Variants in AGBL1 observed in about 807,000 individuals in gnomAD.
The protein encoded by AGBL1 is AGBL carboxypeptidase 1, also known as cytosolic carboxypeptidase 4.
Under a neutral mutation model 118.9 loss-of-function variants are expected in AGBL1, and 130 were observed. The ratio of observed to expected loss-of-function variants is 1.09; its 90% CI spans 0.95 to 1.26. The LOEUF (loss-of-function observed/expected upper bound fraction) is 1.26, where lower values mean the gene tolerates loss of function less well. Ranked by LOEUF, AGBL1 falls within the 50% of genes most tolerant of loss-of-function variation. AGBL1 has a pLI of 0.00. For missense variants in AGBL1, 1,584 were observed against 1,298.1 expected (o/e 1.22, Z -3.38); for synonymous variants, 555 against 478.9 (o/e 1.16, Z -2.08).
chr15:86,936,509 A>T (rs1307408240), intron 23 of AGBL1, among the ~76,000 whole-genome samples: 5 of 152,142 alleles, frequency 3.3e-5, no homozygotes, highest in Non-Finnish European at 5.9e-5. Flanking sequence ...TGTTATCAGG[A>T]CTATTAAAAT....
intron 21 of AGBL1, among the ~76,000 whole-genome samples, chr15:86,635,312 T>TCCCCCTCCCCCTCC (rs1567095074): frequency 2.8e-4 from 1 of 3,550 alleles, no homozygotes; most frequent in Non-Finnish European, 9.4e-4. Flanking sequence ...CTCCTCCTCC[T>TCCCCCTCCCCCTCC]CCTCCTCCTC....
In AGBL1 at chr15:86,264,825, T is replaced by C; in HGVS notation, c.1654T>C (p.Cys552Arg). ...PTTQPMLERK[C>R]GVQRIRIFED... ...CACCCAGCCTATGTTGGAACGAAAA[T>C]GTGGAGTCCAAAGGTGATGGCGCTA... The change falls in exon 11 of 23, where the codon TGT becomes CGT. Residue 552 changes from cysteine (C) to arginine (R), a missense_variant. Coordinates refer to ENST00000614907, the MANE Select transcript of AGBL1 (RefSeq NM_001386094.1). 1.2e-6 allele frequency: 2 copies of C among 1,606,694 alleles called. No individual in the cohort carries two copies. The highest frequency in any genetic ancestry group is 1.7e-6 in the Non-Finnish European group (2 of 1,177,244).
chr15:86,484,828 A>G (rs1446048538), intron 18 of AGBL1, among the ~76,000 whole-genome samples: 3 of 152,092 alleles, frequency 2.0e-5, no homozygotes, highest in African/African-American at 7.2e-5. Flanking sequence ...AACTTTTTCA[A>G]AACTTTACAT....
At chr15:87,025,233 A>G (rs2081713858) in intron 24 of AGBL1, among the ~76,000 whole-genome samples, 1 of 152,038 alleles carries the variant, frequency 6.6e-6, no homozygotes, top group South Asian at 2.1e-4. Context: ...AGAAAACCCT[A>G]AAGACTCCTC....
At chr15:86,436,177 C>A (rs930449170) in intron 18 of AGBL1, among the ~76,000 whole-genome samples, 18 of 147,458 alleles carry the variant, frequency 1.2e-4, no homozygotes, top group African/African-American at 4.5e-4. Flanking sequence ...TGTCTTACCG[C>A]TCTCTGTGGT....
chr15:86,649,087 GAA>G (rs1278879303), intron 21 of AGBL1, among the ~76,000 whole-genome samples: 1 of 152,136 alleles, frequency 6.6e-6, no homozygotes, highest in East Asian at 1.9e-4. Context: ...TTATGGTGTG[GAA>G]GAGAGGCAAG....
intron 23 of AGBL1, among the ~76,000 whole-genome samples, chr15:86,952,162 CAG>C (rs202231440): frequency 0.039 from 5,918 of 151,200 alleles, 159 homozygotes; most frequent in Middle Eastern, 0.072. Flanking sequence ...AAGCAGCAGA[CAG>C]AGTTTGCAGT....
chr15:86,177,148 C>A (rs1315689534), intron 5 of AGBL1, among the ~76,000 whole-genome samples: 2 of 152,110 alleles, frequency 1.3e-5, no homozygotes, highest in African/African-American at 4.8e-5. Flanking sequence ...AGCTAGGAAG[C>A]TTTTTCTAAT....
chr15:86,734,723 T>A (rs1304583940), intron 22 of AGBL1, among the ~76,000 whole-genome samples: 1 of 152,172 alleles, frequency 6.6e-6, no homozygotes, highest in African/African-American at 2.4e-5. Flanking sequence ...ACTGGCTCTT[T>A]CCATGATGAG....
At chr15:86,495,030 T>G (rs930998579) in intron 18 of AGBL1, among the ~76,000 whole-genome samples, 8 of 151,896 alleles carry the variant, frequency 5.3e-5, no homozygotes, top group African/African-American at 1.2e-4. Flanking sequence ...CATCCTTGCT[T>G]CACCAAAATT....
chr15:86,522,192 A>G (rs1353772684), intron 18 of AGBL1, among the ~76,000 whole-genome samples: 14 of 152,192 alleles, frequency 9.2e-5, no homozygotes, highest in Non-Finnish European at 1.5e-5. Flanking sequence ...TTGCTCTAAT[A>G]TACCATGATG....
chr15:86,318,695 GATTTTTT>G (rs1236943902), intron 17 of AGBL1, among the ~76,000 whole-genome samples: 21 of 119,120 alleles, frequency 1.8e-4, no homozygotes, highest in Non-Finnish European at 3.5e-5. Context: ...GTTGATCATA[GATTTTTT>G]TTTTTTTTTT....
intron 24 of AGBL1, among the ~76,000 whole-genome samples, chr15:87,009,921 T>C (rs151047225): frequency 8.0e-4 from 122 of 152,332 alleles, no homozygotes; most frequent in African/African-American, 2.9e-3. Context: ...AGTAACTAAC[T>C]TGCTTTTGAT....
intron 5 of AGBL1, among the ~76,000 whole-genome samples, chr15:86,208,309 T>C (rs1049005455): frequency 1.3e-5 from 2 of 152,210 alleles, no homozygotes; most frequent in African/African-American, 4.8e-5. Flanking sequence ...TGCCAGGCTT[T>C]GTTATCAGGA....
chr15:86,502,630 C>T (rs1291433410), intron 18 of AGBL1, among the ~76,000 whole-genome samples: 1 of 149,462 alleles, frequency 6.7e-6, no homozygotes, highest in Non-Finnish European at 1.5e-5. Context: ...TTATTATGAA[C>T]ATATGCTGGA....
chr15:86,294,614 T>A (rs1433253897), intron 16 of AGBL1, among the ~76,000 whole-genome samples: 1 of 152,144 alleles, frequency 6.6e-6, no homozygotes, highest in Non-Finnish European at 1.5e-5. Flanking sequence ...TACTTTGCCC[T>A]GTGATACTAT....
intron 17 of AGBL1, among the ~76,000 whole-genome samples, chr15:86,367,751 C>T: frequency 6.6e-6 from 1 of 152,076 alleles, no homozygotes; most frequent in East Asian, 1.9e-4. Flanking sequence ...GGATACTTTC[C>T]TTGTCGTCCA....
At chr15:86,880,990 C>T (rs1252359111) in intron 22 of AGBL1, among the ~76,000 whole-genome samples, 1 of 152,088 alleles carries the variant, frequency 6.6e-6, no homozygotes, top group Non-Finnish European at 1.5e-5. Flanking sequence ...CAGCCCTGAG[C>T]CTGCCTCCTG....
At chr15:86,472,006 T>C (rs754430615) in intron 18 of AGBL1, among the ~76,000 whole-genome samples, 1 of 151,960 alleles carries the variant, frequency 6.6e-6, no homozygotes, top group East Asian at 1.9e-4. Flanking sequence ...AAGAAGAAGG[T>C]CATGTGAAGA....
Sources: allele counts gnomAD v4.1 joint callset (sites outside exome capture counted in the v4.1 genomes callset), GRCh38; gene constraint gnomAD v4.1.1; transcripts MANE v1.5; gene names NCBI Gene and HGNC (gene_info 2026-07-23, HGNC 2026-07-21).